The following ALG11 variants were observed in gnomAD, a reference collection of about 807,000 sequenced individuals.
The protein encoded by ALG11 is ALG11 alpha-1,2-mannosyltransferase, also known as GDP-Man:Man(3)GlcNAc(2)-PP-Dol alpha-1,2-mannosyltransferase.
ALG11 carries 26 observed loss-of-function variants against 38.8 expected under a neutral mutation model. The observed-to-expected ratio is 0.67, with a 90% CI of 0.49 to 0.93. The LOEUF (loss-of-function observed/expected upper bound fraction) is 0.93, where lower values mean the gene tolerates loss of function less well. Ranked by LOEUF, ALG11 falls within the 40% of genes least tolerant of loss-of-function variation. The pLI is 0.00. For synonymous variants in ALG11, 199 were observed against 211.6 expected, an observed-to-expected ratio of 0.94 and a Z score of 0.52; for missense variants, 535 against 578.8, an observed-to-expected ratio of 0.92 and a Z score of 0.78.
At position 52,031,135 on chromosome 13, in the gene ALG11, G is replaced by A. The variant is rs371369385; in HGVS notation, c.*2545G>A. ...TGTAGCTGGAGAAGTGACAGTCAGG[G>A]GCCCTGATTCCACTTCCTTTGGTCC... On this transcript the variant is annotated 3_prime_UTR_variant, in exon 4 of 4. Transcript: ENST00000521508. The A allele has an allele frequency of 7.5e-5, 118 of 1,575,248 alleles. No individual in the cohort carries two copies. The highest frequency in any genetic ancestry group is 9.5e-5 in the Non-Finnish European group (110 of 1,161,128).
Position 52,031,359 on chromosome 13 carries a change from A to C in ALG11, c.*2769A>C. 1 of 501,180 alleles carries C rather than the reference A, an allele frequency of 2.0e-6. No homozygotes were observed. Among genetic ancestry groups the C allele is most frequent in the Non-Finnish European group, 3.5e-6 (1 of 287,972 alleles). 31.0% of individuals were successfully genotyped at this position (501,180 alleles called of 1,614,324 possible). On this transcript the variant is annotated 3_prime_UTR_variant, in exon 4 of 4. Coordinates refer to ENST00000521508, the MANE Select transcript of ALG11 (RefSeq NM_001004127.3). ...TGGATGACCCTTTTGAATATACCTA[A>C]TGATTTCCTTAAAAAAGAAATTTTA...
rs148434423 is a variant in ALG11 at position 52,024,532 on chromosome 13, C to A, written c.802C>A (p.Leu268Ile). ...SSWTLNHILSLWKVGNCTNIV... is the reference protein window; with the variant it reads ...SSWTLNHILSIWKVGNCTNIV... ...TTGGACACTAAACCATATTCTCTCA[C>A]TATGGAAAGTTGGGAATTGCACTAA... The change falls in exon 3 of 4, where the codon CTA becomes ATA. Residue 268 changes from leucine to isoleucine, a missense_variant. Coordinates refer to ENST00000521508, the MANE Select transcript of ALG11 (RefSeq NM_001004127.3). The A allele has an allele frequency of 1.0e-4, 162 of 1,614,198 alleles. No homozygotes were observed. The African/African-American group carries it at 2.0e-3, about 20-fold the overall frequency.
At position 52,032,869 on chromosome 13, in the gene ALG11, C is replaced by G. The variant is rs1954318885; in HGVS notation, c.*4279C>G. The G allele has an allele frequency of 6.0e-6, 1 of 167,068 alleles. No homozygotes were observed. Among genetic ancestry groups the G allele is most frequent in the Admixed American group, 6.5e-5 (1 of 15,286 alleles). The allele number at this position is 167,068 out of a possible 1,614,324, so 10.3% of individuals were successfully genotyped here. ...TTCCTTCAGTGTCACAAAGCTGTTT[C>G]ATGAAAGAATCAAGATTATAACCTG... is the stretch of plus-strand genomic sequence containing the variant. On this transcript the variant is annotated 3_prime_UTR_variant, in exon 4 of 4. Coordinates refer to ENST00000521508, the MANE Select transcript of ALG11 (RefSeq NM_001004127.3).
Position 52,029,978 on chromosome 13 carries a change from G to C in ALG11, c.*1388G>C, listed in dbSNP as rs1171697974. 6.2e-7 allele frequency: 1 copy of C among 1,614,224 alleles called. No homozygotes were observed. On this transcript the variant is annotated 3_prime_UTR_variant, in exon 4 of 4. Transcript: ENST00000521508. ...AGAGGCTGCAACACAGGAGGACCCT[G>C]AGCAAGTGCCAGAGCTTGCAGCTCA...
In ALG11 at chr13:52,033,007, GAA is replaced by G. The variant is rs1019757182; in HGVS notation, c.*4421_*4422del. On this transcript the variant is annotated 3_prime_UTR_variant, in exon 4 of 4. Transcript: ENST00000521508. ...TATTCCTGAGGATGTAGTGAAGGAA[GAA>G]AAAGTTTTCTGGAATTCCGTAAATT... is the stretch of plus-strand genomic sequence containing the variant. 1.2e-5 allele frequency: 2 copies of G among 167,014 alleles called. No homozygotes were observed. The highest frequency in any genetic ancestry group is 4.8e-5 in the African/African-American group (2 of 41,428). The allele number at this position is 167,014 out of a possible 1,614,324, so 10.3% of individuals were successfully genotyped here.
chr13:52,019,165 C>G (rs370150041), intron 2 of ALG11, 22 bp downstream of exon 2: 2 of 1,540,966 alleles, frequency 1.3e-6, no homozygotes, highest in African/African-American at 2.7e-5. Context: ...TCTTTCTTAG[C>G]TAATTTGCTA....
chr13:52,025,553 A>T (rs1954232637), intron 3 of ALG11, among the ~76,000 whole-genome samples: 1 of 152,184 alleles, frequency 6.6e-6, no homozygotes, highest in African/African-American at 2.4e-5. Flanking sequence ...TCTTTTATTG[A>T]TTCTACCCTC....
chr13:52,015,490 G>T (rs567847832), intron 1 of ALG11, among the ~76,000 whole-genome samples: 33 of 152,156 alleles, frequency 2.2e-4, no homozygotes, highest in Non-Finnish European at 4.4e-4. Flanking sequence ...GTTTGGCCGT[G>T]ACCCCACCCA....
chr13:52,012,483 G>T, intron 1 of ALG11, 21 bp downstream of exon 1: 1 of 1,614,036 alleles, frequency 6.2e-7, no homozygotes, highest in Non-Finnish European at 8.5e-7. Flanking sequence ...GGTCGTGTGG[G>T]CTCACAGACG....
Position 52,029,450 on chromosome 13 carries a change from C to A in ALG11, c.*860C>A. 2 of 1,614,172 alleles carry A rather than the reference C, an allele frequency of 1.2e-6. No homozygotes were observed. The highest frequency in any genetic ancestry group is 1.7e-6 in the Non-Finnish European group (2 of 1,180,034). On this transcript the variant is annotated 3_prime_UTR_variant, in exon 4 of 4. Transcript: ENST00000521508. The stretch of plus-strand genomic sequence containing the variant: ...AAAGGCCTCTCTCCAAGCCATGAGC[C>A]TGGAAGAGGCAAAGATGCACCGAGC...
At chr13:52,018,835 A>G (rs1199325905) in intron 1 of ALG11, 78 bp from the exon 2 acceptor site, 4 of 1,154,518 alleles carry the variant, frequency 3.5e-6, no homozygotes, top group Middle Eastern at 2.5e-4. Context: ...TAAAGTAGAT[A>G]TGTAAAAGCA....
chr13:52,019,722 CT>C (rs1409293325), intron 2 of ALG11, among the ~76,000 whole-genome samples: 1 of 152,184 alleles, frequency 6.6e-6, no homozygotes, highest in Non-Finnish European at 1.5e-5. Flanking sequence ...AGGTGAATCA[CT>C]TGAGCCCAAG....
In ALG11 at chr13:52,029,267, C is replaced by T. The variant is rs762863800; in HGVS notation, c.*677C>T. ...CATCCTGAAGAACCAGCAGGCAGAG[C>T]AGCTGGTTTTTCCCCTGGGGAAGGA... is the stretch of plus-strand genomic sequence containing the variant. On this transcript the variant is annotated 3_prime_UTR_variant, in exon 4 of 4. Transcript: ENST00000521508. The T allele has an allele frequency of 3.1e-6, 5 of 1,614,202 alleles. No homozygotes were observed. The East Asian group carries it at 1.1e-4, about 36-fold the overall frequency.
chr13:52,023,790 G>A (rs1396332567), intron 2 of ALG11: 1 of 316,914 alleles, frequency 3.2e-6, no homozygotes, highest in Admixed American at 4.8e-5. Flanking sequence ...GTAGGTAGCA[G>A]GCTTTTTTTT....
At chr13:52,019,567 CT>C (rs1315719279) in intron 2 of ALG11, among the ~76,000 whole-genome samples, 1 of 152,162 alleles carries the variant, frequency 6.6e-6, no homozygotes, top group Non-Finnish European at 1.5e-5. Flanking sequence ...CCTTTTTAAA[CT>C]GTTCTTCAAT....
At position 52,032,436 on chromosome 13, in the gene ALG11, A is replaced by G. The variant is rs1372027127; in HGVS notation, c.*3846A>G. 3 of 167,132 alleles carry G rather than the reference A, an allele frequency of 1.8e-5. No homozygotes were observed. Among genetic ancestry groups the G allele is most frequent in the African/African-American group, 7.2e-5 (3 of 41,482 alleles). The allele number at this position is 167,132 out of a possible 1,614,324, so 10.4% of individuals were successfully genotyped here. A position where few individuals can be genotyped will look rare whatever the true frequency, so the allele number is the denominator to read the frequency against. The stretch of plus-strand genomic sequence containing the variant: ...AATATATGTGTGAGCAGATATGGCT[A>G]TAAAGACCTATAGCTTTTGCACTTT... On this transcript the variant is annotated 3_prime_UTR_variant, in exon 4 of 4. Coordinates refer to ENST00000521508, the MANE Select transcript of ALG11 (RefSeq NM_001004127.3).
At chr13:52,023,815 G>GTT in intron 2 of ALG11, 191 bp from the exon 3 acceptor site, 1 of 133,220 alleles carries the variant, frequency 7.5e-6, no homozygotes, top group Non-Finnish European at 1.4e-5. Flanking sequence ...TTTTTTTTGA[G>GTT]ATGGAGTCTC....
In ALG11 at chr13:52,024,347, T is replaced by C. The variant is rs1954216275; in HGVS notation, c.617T>C (p.Met206Thr). Residue 206 changes from methionine to threonine, a missense_variant, in exon 3 of 4, where the codon ATG (methionine) becomes ACG (threonine). Met to Thr is a moderately conservative substitution (Grantham distance 81). Coordinates refer to ENST00000521508, the MANE Select transcript of ALG11 (RefSeq NM_001004127.3). The part of the protein sequence containing the change: ...YVHYPTISTD[M>T]LSVVKNQNIG... ...CATTATCCTACTATCAGCACCGACA[T>C]GCTCTCTGTAGTGAAGAATCAAAAT... The C allele has an allele frequency of 2.5e-6, 4 of 1,614,088 alleles. No homozygotes were observed. The highest frequency in any genetic ancestry group is 3.4e-6 in the Non-Finnish European group (4 of 1,180,036).
intron 2 of ALG11, chr13:52,021,868 A>G (rs1002015849): frequency 2.6e-5 from 4 of 151,962 alleles, no homozygotes; most frequent in African/African-American, 9.7e-5. Flanking sequence ...GGCTGGTTGG[A>G]CTCCGTACAT....
Sources: allele counts gnomAD v4.1 joint callset (sites outside exome capture counted in the v4.1 genomes callset), GRCh38; gene constraint gnomAD v4.1.1; transcripts MANE v1.5; gene names NCBI Gene and HGNC (gene_info 2026-07-23, HGNC 2026-07-21).